The following SCFD2 variants were observed in gnomAD, a reference collection of about 807,000 sequenced individuals.
SCFD2 encodes sec1 family domain-containing protein 2.
A neutral mutation model predicts 58.9 loss-of-function variants in SCFD2; 54 were observed. That is an observed-to-expected ratio of 0.92 (90% CI 0.74 to 1.15). The LOEUF is 1.15. Among genes scored for constraint, SCFD2 ranks in the 50% most tolerant of loss-of-function variants. The pLI is 0.00. For missense variants in SCFD2, 805 were observed against 836.6 expected (o/e 0.96, Z 0.47); for synonymous variants, 321 against 335.9 (o/e 0.96, Z 0.49).
chr4:53,343,874 G>A (rs1015203496), intron 2 of SCFD2, among the ~76,000 whole-genome samples: 5 of 152,178 alleles, frequency 3.3e-5, no homozygotes, highest in African/African-American at 4.8e-5. Flanking sequence ...CTCAATAGAT[G>A]CAGAAAAGAC....
chr4:52,916,125 C>T (rs143559684), intron 6 of SCFD2, among the ~76,000 whole-genome samples: 11 of 152,316 alleles, frequency 7.2e-5, no homozygotes, highest in Non-Finnish European at 1.0e-4. Flanking sequence ...GTCTGAAAGC[C>T]CCGTATAAGC....
chr4:53,198,463 T>A (rs766894866), intron 4 of SCFD2, among the ~76,000 whole-genome samples: 64 of 152,060 alleles, frequency 4.2e-4, no homozygotes, highest in Non-Finnish European at 7.9e-4. Flanking sequence ...AAAAAAGAGA[T>A]CCTAAGAATA....
At chr4:53,236,384 A>G (rs1281097185) in intron 4 of SCFD2, among the ~76,000 whole-genome samples, 3 of 151,460 alleles carry the variant, frequency 2.0e-5, no homozygotes, top group Non-Finnish European at 2.9e-5. Context: ...TTTATTAAGC[A>G]TATGTAAGTG....
At chr4:53,162,185 A>G (rs1726873295) in intron 4 of SCFD2, among the ~76,000 whole-genome samples, 1 of 152,008 alleles carries the variant, frequency 6.6e-6, no homozygotes, top group South Asian at 2.1e-4. Context: ...TAGTCTGGCT[A>G]AGCAACAATT....
intron 5 of SCFD2, among the ~76,000 whole-genome samples, chr4:53,140,217 TA>T (rs539529650): frequency 0.012 from 1,828 of 146,990 alleles, 14 homozygotes; most frequent in Middle Eastern, 0.049. Context: ...ACTAAAAAAA[TA>T]AAAAAAAAGA....
chr4:53,309,743 C>A (rs771641591), intron 3 of SCFD2, among the ~76,000 whole-genome samples: 1 of 152,162 alleles, frequency 6.6e-6, no homozygotes, highest in Non-Finnish European at 1.5e-5. Flanking sequence ...GAGAAATAAT[C>A]TAACTTGATC....
intron 5 of SCFD2, among the ~76,000 whole-genome samples, chr4:52,935,553 C>T (rs924117502): frequency 1.3e-5 from 2 of 152,254 alleles, no homozygotes. Context: ...CTACATATAC[C>T]TTCTGAACCA....
At chr4:53,151,580 C>T (rs1726507256) in intron 4 of SCFD2, among the ~76,000 whole-genome samples, 1 of 152,188 alleles carries the variant, frequency 6.6e-6, no homozygotes, top group Non-Finnish European at 1.5e-5. Context: ...AGGCTTTATT[C>T]CACGTGGCTG....
chr4:53,190,464 T>C (rs1281074337), intron 4 of SCFD2, among the ~76,000 whole-genome samples: 1 of 151,972 alleles, frequency 6.6e-6, no homozygotes, highest in Non-Finnish European at 1.5e-5. Context: ...CAAGTGGCTA[T>C]TCCTTTTCAG....
intron 4 of SCFD2, among the ~76,000 whole-genome samples, chr4:53,225,560 C>A (rs1212095327): frequency 1.3e-5 from 2 of 152,164 alleles, no homozygotes; most frequent in African/African-American, 4.8e-5. Flanking sequence ...GAGTTGATAA[C>A]ACCCTATATA....
intron 4 of SCFD2, among the ~76,000 whole-genome samples, chr4:53,258,357 C>A (rs924760144): frequency 6.6e-6 from 1 of 151,880 alleles, no homozygotes; most frequent in Non-Finnish European, 1.5e-5. Context: ...TCCACTGTAT[C>A]ATTCTTATGT....
chr4:53,100,985 A>C (rs367725495), intron 5 of SCFD2, among the ~76,000 whole-genome samples: 2 of 152,204 alleles, frequency 1.3e-5, no homozygotes, highest in Non-Finnish European at 2.9e-5. Context: ...AAGTATAAAA[A>C]AAGACAGATA....
At chr4:53,132,861 T>G (rs1725827948) in intron 5 of SCFD2, among the ~76,000 whole-genome samples, 1 of 152,210 alleles carries the variant, frequency 6.6e-6, no homozygotes, top group African/African-American at 2.4e-5. Context: ...TTCAAAATCC[T>G]GAAAACTGTC....
intron 2 of SCFD2, among the ~76,000 whole-genome samples, chr4:53,327,609 G>C (rs1036268440): frequency 6.6e-6 from 1 of 152,170 alleles, no homozygotes; most frequent in African/African-American, 2.4e-5. Flanking sequence ...AGGAGTGATG[G>C]AGGCAGCATC....
chr4:53,241,108 T>A (rs149584326), intron 4 of SCFD2, among the ~76,000 whole-genome samples: 2 of 152,168 alleles, frequency 1.3e-5, no homozygotes, highest in Non-Finnish European at 2.9e-5. Flanking sequence ...AAGAGGTGAG[T>A]TGAATAGGCA....
intron 2 of SCFD2, among the ~76,000 whole-genome samples, chr4:53,334,865 A>G (rs1474299531): frequency 1.3e-5 from 2 of 152,206 alleles, no homozygotes; most frequent in South Asian, 4.1e-4. Flanking sequence ...TAACATCACT[A>G]TAAGTGGACG....
intron 4 of SCFD2, among the ~76,000 whole-genome samples, chr4:53,268,519 G>A (rs1242517627): frequency 1.3e-5 from 2 of 152,104 alleles, no homozygotes; most frequent in Non-Finnish European, 2.9e-5. Flanking sequence ...ACTCTGAGCG[G>A]GGTGGTGAGG....
chr4:53,016,426 C>T (rs77387456), intron 5 of SCFD2, among the ~76,000 whole-genome samples: 2,572 of 152,306 alleles, frequency 0.017, 76 homozygotes, highest in African/African-American at 0.059. Context: ...AAGCAAGTCA[C>T]ATCTGACCTG....
chr4:52,966,561 G>A (rs1720967005), intron 5 of SCFD2, among the ~76,000 whole-genome samples: 1 of 152,018 alleles, frequency 6.6e-6, no homozygotes, highest in Admixed American at 6.6e-5. Flanking sequence ...ACTCAACCAA[G>A]CAGCTCTTTA....
Sources: gnomAD v4.1 joint callset for allele counts (sites outside exome capture counted in the v4.1 genomes callset) on GRCh38, gnomAD v4.1.1 for gene constraint, MANE v1.5 for transcripts, NCBI Gene and HGNC (gene_info 2026-07-23, HGNC 2026-07-21) for gene names.